The following NID1 variants were observed in gnomAD, a reference collection of about 807,000 sequenced individuals.
NID1 encodes nidogen-1.
In NID1, 76 loss-of-function variants were observed where a neutral mutation model predicts 130.6. The ratio of observed to expected loss-of-function variants is 0.58; its 90% CI spans 0.48 to 0.70. The LOEUF is 0.70. NID1 is among the 30% of genes least tolerant of loss of function. The pLI is 0.00. For synonymous variants in NID1, 665 were observed against 675.1 expected, an observed-to-expected ratio of 0.98 and a Z score of 0.23; for missense variants, 1,517 against 1,664.8, an observed-to-expected ratio of 0.91 and a Z score of 1.54.
rs370357898 is a variant in NID1, at chr1:236,037,198, C to T, written c.1285+906G>A. On this transcript the variant is annotated intron_variant, in intron 5 of 19. Coordinates refer to ENST00000264187, the MANE Select transcript of NID1 (RefSeq NM_002508.3). Reference sequence around the variant, plus strand: ...CCGAATCCATTTGGAATTGGCACCCCAGCATTAACCATGGTGCATCTCTGA... The same window carrying T: ...CCGAATCCATTTGGAATTGGCACCCTAGCATTAACCATGGTGCATCTCTGA... Among the ~76,000 whole-genome samples, 3 of 152,206 alleles carry T rather than the reference C, an allele frequency of 2.0e-5. No homozygotes were observed. In the South Asian group the frequency reaches 6.2e-4, roughly 31 times the overall value.
chr1:235,993,331 A>C (rs1329925763), intron 13 of NID1, among the ~76,000 whole-genome samples: 1 of 152,108 alleles, frequency 6.6e-6, no homozygotes, highest in Non-Finnish European at 1.5e-5. Flanking sequence ...TGGAGCACAC[A>C]CAGCCGCTCT....
chr1:236,024,012 G>A (rs1183163319), intron 9 of NID1, 58 bp downstream of exon 9: 1 of 1,600,384 alleles, frequency 6.2e-7, no homozygotes, highest in African/African-American at 1.3e-5. Context: ...TACAGAACGT[G>A]GATGCCTCCT....
chr1:236,036,662 A>T (rs1186472916), intron 5 of NID1, among the ~76,000 whole-genome samples: 1 of 152,246 alleles, frequency 6.6e-6, no homozygotes, highest in Non-Finnish European at 1.5e-5. Context: ...TGATTGGGTC[A>T]TGAGGGCTCT....
intron 1 of NID1, among the ~76,000 whole-genome samples, chr1:236,054,726 C>T (rs114570661): frequency 0.015 from 2,312 of 151,544 alleles, 69 homozygotes; most frequent in African/African-American, 0.054. Flanking sequence ...ACTGCAACCT[C>T]TATCTCCTGG....
In NID1 at chr1:235,976,357, G is replaced by C. The variant is rs1657249843; in HGVS notation, c.*1510C>G. The C allele has an allele frequency of 6.6e-6, 1 of 152,182 alleles. No homozygotes were observed. Among genetic ancestry groups the C allele is most frequent in the Non-Finnish European group, 1.5e-5 (1 of 68,030 alleles). 9.4% of individuals were successfully genotyped at this position (152,182 alleles called of 1,614,324 possible). On this transcript the variant is annotated 3_prime_UTR_variant, in exon 20 of 20. Transcript: ENST00000264187. ...AATTCTTCCATGTTCTCAAGTATAA[G>C]TGGTCTTTGGCAAAATGTACCATTT... is the stretch of plus-strand genomic sequence containing the variant.
In NID1 at chr1:235,993,857, C is replaced by T. The variant is rs759230243; in HGVS notation, c.2543G>A (p.Arg848Gln). 3 of 1,612,104 alleles carry T rather than the reference C, an allele frequency of 1.9e-6. No homozygotes were observed. Among genetic ancestry groups the T allele is most frequent in the East Asian group, 2.2e-5 (1 of 44,810 alleles). ...RCVPGEVEKT[R>Q]CQHEREHILG... is the part of the protein sequence containing the mutation. Reference sequence around the variant, plus strand: ...AATGTGTTCTCGCTCGTGCTGGCACCGGGTTTTCTCCACCTCTATCAGAGA... The same window carrying T: ...AATGTGTTCTCGCTCGTGCTGGCACTGGGTTTTCTCCACCTCTATCAGAGA... Residue 848 changes from arginine to glutamine, a missense_variant, in exon 13 of 20, where the codon CGG becomes CAG. Around this residue, in one of 3 missense-constraint regions of NID1, gnomAD observed 1,329 missense variants for 1,429.2 expected, o/e 0.93. Transcript: ENST00000264187.
At chr1:236,009,336 C>G (rs746615364) in intron 12 of NID1, among the ~76,000 whole-genome samples, 7 of 152,200 alleles carry the variant, frequency 4.6e-5, no homozygotes, top group Non-Finnish European at 8.8e-5. Context: ...CTTCTCAGCA[C>G]GTCGATCTCA....
intron 13 of NID1, among the ~76,000 whole-genome samples, chr1:235,992,603 T>C (rs955781067): frequency 5.9e-5 from 9 of 152,040 alleles, no homozygotes; most frequent in Non-Finnish European, 1.0e-4. Flanking sequence ...CGCTGTCTGC[T>C]TCTCCTAAAG....
In NID1 at chr1:236,045,676, G is replaced by A. The variant is rs764521847; in HGVS notation, c.533C>T (p.Thr178Met). Residue 178 changes from threonine (T) to methionine (M), a missense_variant, in exon 3 of 20, where the codon ACG becomes ATG. This residue lies in a region of NID1 where 1,329 missense variants were observed against 1,429.2 expected (regional missense o/e 0.93). Coordinates refer to ENST00000264187, the MANE Select transcript of NID1 (RefSeq NM_002508.3). ...AGAGGAGGCTAGAACAGCCTGGAAC[G>A]TGTTTCTCTGTGAAGATGAGTTAAA... ...RDPDQKGKRN[T>M]FQAVLASSDS... 5.6e-6 allele frequency: 9 copies of A among 1,608,688 alleles called. No individual in the cohort carries two copies. The highest frequency in any genetic ancestry group is 4.0e-5 in the African/African-American group (3 of 74,710).
At chr1:235,991,164 C>T (rs1230482171) in intron 13 of NID1, 106 bp from the exon 14 acceptor site, 1 of 914,222 alleles carries the variant, frequency 1.1e-6, no homozygotes, top group Non-Finnish European at 1.6e-6. Context: ...CACATACACA[C>T]ACCCACACAT....
At position 236,042,175 on chromosome 1, in the gene NID1, A is replaced by G; in HGVS notation, c.870T>C (p.Asp290=). The change falls in exon 4 of 20, where the codon GAT becomes GAC. Residue 290 remains aspartate, a synonymous_variant. Coordinates refer to ENST00000264187, the MANE Select transcript of NID1 (RefSeq NM_002508.3). ...ILGTEDGAEY[D]DEDEDYDLAT... is the part of the protein sequence containing the mutation. Reference sequence around the variant, plus strand: ...CCAGGTCATAATCTTCATCCTCATCATCATACTCTGCCCCATCTTCAGTTC... The same window carrying G: ...CCAGGTCATAATCTTCATCCTCATCGTCATACTCTGCCCCATCTTCAGTTC... 1 of 1,613,940 alleles carries G rather than the reference A, an allele frequency of 6.2e-7. No homozygotes were observed. The highest frequency in any genetic ancestry group is 8.5e-7 in the Non-Finnish European group (1 of 1,180,002).
At chr1:236,028,856 T>C (rs1426456690) in intron 7 of NID1, among the ~76,000 whole-genome samples, 2 of 152,080 alleles carry the variant, frequency 1.3e-5, no homozygotes, top group African/African-American at 4.8e-5. Context: ...AGGCACCAAA[T>C]GGAGAATAAA....
intron 4 of NID1, among the ~76,000 whole-genome samples, chr1:236,040,594 G>A (rs1357636690): frequency 6.6e-6 from 1 of 151,770 alleles, no homozygotes; most frequent in African/African-American, 2.4e-5. Context: ...CCATTTATAT[G>A]AGTCTTAGTG....
chr1:236,033,871 A>G (rs1659169316), intron 5 of NID1, among the ~76,000 whole-genome samples: 1 of 152,224 alleles, frequency 6.6e-6, no homozygotes, highest in Non-Finnish European at 1.5e-5. Flanking sequence ...GAAAAAAATA[A>G]GAACTAAAGA....
intron 1 of NID1, among the ~76,000 whole-genome samples, chr1:236,057,690 TGAAAGAAAGAAG>T (rs1659932827): frequency 8.6e-6 from 1 of 116,112 alleles, no homozygotes; most frequent in African/African-American, 3.4e-5. Context: ...AGAGTAAGAC[TGAAAGAAAGAAG>T]GAAAGAAAGA....
rs1558424853 is a variant in NID1, at chr1:235,993,934, G to A, written c.2528-62C>T. 6 of 1,503,056 alleles carry A rather than the reference G, an allele frequency of 4.0e-6. No homozygotes were observed. The South Asian group carries it at 4.8e-5, about 12-fold the overall frequency. 93.1% of individuals were successfully genotyped at this position (1,503,056 alleles called of 1,614,324 possible). A position where few individuals can be genotyped will look rare whatever the true frequency, so the allele number is the denominator to read the frequency against. On this transcript the variant is annotated intron_variant, in intron 12 of 19. Coordinates refer to ENST00000264187, the MANE Select transcript of NID1 (RefSeq NM_002508.3). ...GCGTCATCCGTCAGCGCTCCCTGGC[G>A]GGGCTGCAGGAGTCCCCGCAGCTCG... is the stretch of plus-strand genomic sequence containing the variant.
rs1223521833 is a variant in NID1, at chr1:236,038,590, G to A, written c.1136-337C>T. ...TGCTATCCAATAGCAATCTCAGGATGGTGTCCATCCAAACTAGTGAGAACA... is the reference window on the plus strand; with the variant it reads ...TGCTATCCAATAGCAATCTCAGGATAGTGTCCATCCAAACTAGTGAGAACA... On this transcript the variant is annotated intron_variant, in intron 4 of 19. Transcript: ENST00000264187. 2.0e-5 allele frequency among the ~76,000 whole-genome samples: 3 copies of A among 151,574 alleles called. No individual in the cohort carries two copies. In the East Asian group the frequency reaches 5.8e-4, roughly 29 times the overall value.
chr1:236,011,786 G>A (rs893932113), intron 12 of NID1, 135 bp downstream of exon 12: 15 of 1,333,268 alleles, frequency 1.1e-5, no homozygotes, highest in Middle Eastern at 2.7e-4. Context: ...ACAGGGCAAC[G>A]GGCCATGTGC....
At chr1:236,034,947 C>G (rs1404747454) in intron 5 of NID1, among the ~76,000 whole-genome samples, 1 of 151,534 alleles carries the variant, frequency 6.6e-6, no homozygotes, top group African/African-American at 2.4e-5. Context: ...CACACCCAGC[C>G]CCTCACAGGT....
Sources: gnomAD v4.1 joint callset for allele counts (sites outside exome capture counted in the v4.1 genomes callset) on GRCh38, gnomAD v4.1.1 for gene constraint, gnomAD v4.1.1 regional missense constraint, MANE v1.5 for transcripts, NCBI Gene and HGNC (gene_info 2026-07-23, HGNC 2026-07-21) for gene names.